DCUN1D3: variants seen among roughly 807,000 people sequenced by gnomAD.
DCUN1D3 encodes defective in cullin neddylation 1 domain containing 3.
DCUN1D3 carries 6 observed loss-of-function variants against 24.8 expected under a neutral mutation model. The ratio of observed to expected loss-of-function variants is 0.24; its 90% CI spans 0.13 to 0.48. DCUN1D3 has a LOEUF of 0.48. Among genes scored for constraint, DCUN1D3 ranks in the 20% least tolerant of loss-of-function variants. The pLI is 0.99. For synonymous variants in DCUN1D3, 120 were observed against 144.9 expected, an observed-to-expected ratio of 0.83 and a Z score of 1.24; for missense variants, 258 against 379.4, an observed-to-expected ratio of 0.68 and a Z score of 2.66.
chr16:20,857,407 G>T lies in DCUN1D3; in HGVS notation c.*2479C>A, dbSNP rs765455945. Reference sequence around the variant, plus strand: ...CTAATGCACGGAATGTCTTCTTAAAGGGTGGGGAAGGAACCTAGTTTCTCC... The same window carrying T: ...CTAATGCACGGAATGTCTTCTTAAATGGTGGGGAAGGAACCTAGTTTCTCC... On this transcript the variant is annotated 3_prime_UTR_variant, in exon 3 of 3. Transcript: ENST00000324344. The T allele has an allele frequency of 7.9e-5, 12 of 152,216 alleles. No individual in the cohort carries two copies. Among genetic ancestry groups the T allele is most frequent in the Non-Finnish European group, 1.5e-4 (10 of 68,052 alleles). The allele number at this position is 152,216 out of a possible 1,614,324, so 9.4% of individuals were successfully genotyped here. A position where few individuals can be genotyped will look rare whatever the true frequency, so the allele number is the denominator to read the frequency against.
intron 1 of DCUN1D3, among the ~76,000 whole-genome samples, chr16:20,891,518 G>A (rs2081892282): frequency 6.6e-6 from 1 of 152,180 alleles, no homozygotes; most frequent in Admixed American, 6.5e-5. Flanking sequence ...ATGGAGGCCG[G>A]GGGAATTGGC....
At chr16:20,868,870 T>A (rs2081775220) in intron 1 of DCUN1D3, 1 of 152,240 alleles carries the variant, frequency 6.6e-6, no homozygotes, top group Non-Finnish European at 1.5e-5. Context: ...TTTTTTCTTT[T>A]CTACTTATAG....
intron 1 of DCUN1D3, among the ~76,000 whole-genome samples, chr16:20,898,007 G>C (rs1402699380): frequency 6.6e-6 from 1 of 152,046 alleles, no homozygotes; most frequent in African/African-American, 2.4e-5. Context: ...CCACCTCTCT[G>C]ACCTTATCTC....
intron 1 of DCUN1D3, among the ~76,000 whole-genome samples, chr16:20,888,431 T>C (rs1276496827): frequency 6.6e-6 from 1 of 152,232 alleles, no homozygotes; most frequent in African/African-American, 2.4e-5. Flanking sequence ...CTAGAGACTA[T>C]GTTCTCTTAA....
intron 1 of DCUN1D3, among the ~76,000 whole-genome samples, chr16:20,891,916 C>A (rs1245859749): frequency 1.3e-5 from 2 of 152,172 alleles, no homozygotes; most frequent in African/African-American, 4.8e-5. Context: ...CCTTCCCTAC[C>A]CTCTGTCCCC....
At chr16:20,886,928 T>C (rs1406102510) in intron 1 of DCUN1D3, among the ~76,000 whole-genome samples, 1 of 152,264 alleles carries the variant, frequency 6.6e-6, no homozygotes, top group Non-Finnish European at 1.5e-5. Flanking sequence ...AATTTTGTCT[T>C]TGACATGACT....
chr16:20,878,136 C>G (rs774554328), intron 1 of DCUN1D3, among the ~76,000 whole-genome samples: 9 of 152,244 alleles, frequency 5.9e-5, no homozygotes, highest in Non-Finnish European at 1.0e-4. Flanking sequence ...TGGACTCCCC[C>G]CATTCGAAGC....
intron 1 of DCUN1D3, among the ~76,000 whole-genome samples, chr16:20,891,032 C>T (rs775228622): frequency 9.3e-5 from 14 of 150,572 alleles, no homozygotes; most frequent in Non-Finnish European, 1.5e-4. Context: ...CTCACTCTAT[C>T]GCCCAGGCTG....
At chr16:20,872,308 C>T (rs985781731) in intron 1 of DCUN1D3, among the ~76,000 whole-genome samples, 3 of 152,082 alleles carry the variant, frequency 2.0e-5, no homozygotes, top group Admixed American at 6.6e-5. Flanking sequence ...CCAAAGACGA[C>T]GAAGGAACAC....
At chr16:20,864,689 G>A (rs2081752125) in intron 1 of DCUN1D3, among the ~76,000 whole-genome samples, 1 of 152,162 alleles carries the variant, frequency 6.6e-6, no homozygotes, top group Non-Finnish European at 1.5e-5. Context: ...ACACACGCAT[G>A]CGAATGTTCA....
intron 1 of DCUN1D3, among the ~76,000 whole-genome samples, chr16:20,869,669 A>G (rs1036936008): frequency 6.6e-6 from 1 of 152,180 alleles, no homozygotes; most frequent in Admixed American, 6.5e-5. Context: ...ATTAATGTAT[A>G]TTAATAACAA....
At chr16:20,869,891 C>T (rs1392159923) in intron 1 of DCUN1D3, among the ~76,000 whole-genome samples, 1 of 152,178 alleles carries the variant, frequency 6.6e-6, no homozygotes, top group Non-Finnish European at 1.5e-5. Context: ...ACTGGTCTCA[C>T]TACTGTTCTC....
In DCUN1D3 at chr16:20,890,988, A is replaced by G. The variant is rs150870156; in HGVS notation, c.-106+9216T>C. 1.5e-3 allele frequency among the ~76,000 whole-genome samples: 227 copies of G among 151,920 alleles called. 1 individual carries two copies. The highest frequency in any genetic ancestry group is 5.3e-3 in the African/African-American group (220 of 41,354). On this transcript the variant is annotated intron_variant, in intron 1 of 2. Coordinates refer to ENST00000324344, the MANE Select transcript of DCUN1D3 (RefSeq NM_173475.4). Reference sequence around the variant, plus strand: ...GAACATGGATGTTGTAGAAATGTGAAGTAAAAAATGATTTTTTTTTTTTGA... The same window carrying G: ...GAACATGGATGTTGTAGAAATGTGAGGTAAAAAATGATTTTTTTTTTTTGA...
At chr16:20,883,500 G>A (rs1227742797) in intron 1 of DCUN1D3, among the ~76,000 whole-genome samples, 1 of 151,810 alleles carries the variant, frequency 6.6e-6, no homozygotes, top group Non-Finnish European at 1.5e-5. Context: ...GTGACAGAGC[G>A]CAACTCCATC....
Position 20,858,603 on chromosome 16 carries a change from G to A in DCUN1D3, c.*1283C>T, listed in dbSNP as rs2081713773. 2 of 149,838 alleles carry A rather than the reference G, an allele frequency of 1.3e-5. No homozygotes were observed. Among genetic ancestry groups the A allele is most frequent in the Non-Finnish European group, 3.0e-5 (2 of 67,504 alleles). 9.3% of individuals were successfully genotyped at this position (149,838 alleles called of 1,614,324 possible). On this transcript the variant is annotated 3_prime_UTR_variant, in exon 3 of 3. Transcript: ENST00000324344. ...TACATATTTGGGGGTAGGGAAAGGA[G>A]AGGAGGGTCATGTAAACCTAAACAG...
rs577043669 is a variant in DCUN1D3, at chr16:20,881,751, C to T, written c.-106+18453G>A. Among the ~76,000 whole-genome samples the T allele has an allele frequency of 7.9e-5, 12 of 152,238 alleles. No homozygotes were observed. In the East Asian group the frequency reaches 2.1e-3, roughly 27 times the overall value. On this transcript the variant is annotated intron_variant, in intron 1 of 2. Transcript: ENST00000324344. ...CTGTGACAGAGACAGAGGAAATTCACCAAACTGCTCCCCTAATTTCAAACA... is the reference window on the plus strand; with the variant it reads ...CTGTGACAGAGACAGAGGAAATTCATCAAACTGCTCCCCTAATTTCAAACA...
chr16:20,872,942 C>A (rs1026734032), intron 1 of DCUN1D3, among the ~76,000 whole-genome samples: 1 of 152,092 alleles, frequency 6.6e-6, no homozygotes, highest in Non-Finnish European at 1.5e-5. Context: ...ATGGTGAAAC[C>A]CCGTCTCTAC....
At position 20,868,619 on chromosome 16, in the gene DCUN1D3, T is replaced by C. The variant is rs367829165; in HGVS notation, c.-105-5976A>G. 4.9e-4 allele frequency among the ~76,000 whole-genome samples: 75 copies of C among 152,342 alleles called. 1 individual carries two copies. The South Asian group carries it at 0.015, about 31-fold the overall frequency. On this transcript the variant is annotated intron_variant, in intron 1 of 2. Coordinates refer to ENST00000324344, the MANE Select transcript of DCUN1D3 (RefSeq NM_173475.4). The stretch of plus-strand genomic sequence containing the variant: ...TTAGCCTCTATAATAGTTATAATTA[T>C]TGTCACAACTTTGGTGACAGAATCG...
intron 1 of DCUN1D3, among the ~76,000 whole-genome samples, 199 bp from the exon 2 acceptor site, chr16:20,862,842 G>C (rs1265741923): frequency 6.6e-6 from 1 of 152,200 alleles, no homozygotes; most frequent in Non-Finnish European, 1.5e-5. Context: ...GGCACATATG[G>C]AGAACCAATG....
Sources: gnomAD v4.1 joint callset for allele counts (sites outside exome capture counted in the v4.1 genomes callset) on GRCh38, gnomAD v4.1.1 for gene constraint, MANE v1.5 for transcripts, NCBI Gene and HGNC (gene_info 2026-07-23, HGNC 2026-07-21) for gene names.